NHLRC4: variants seen among roughly 807,000 people sequenced by gnomAD.
The protein encoded by NHLRC4 is NHL-repeat-containing protein 4.
For missense variants in NHLRC4, 158 were observed against 155.4 expected (o/e 1.02, Z -0.09); for synonymous variants, 73 against 69.0 (o/e 1.06, Z -0.29).
Position 568,087 on chromosome 16 carries a change from C to G in NHLRC4, c.40C>G (p.Pro14Ala). Residue 14 changes from proline (P) to alanine (A), a missense_variant, in exon 2 of 2, where the codon CCT becomes GCT. Transcript: ENST00000424439. The stretch of plus-strand genomic sequence containing the variant: ...GGGCCCCTGCTGGGTGGGCCCAGGG[C>G]CTGATGGGGGCCTTGCTGTGAGTGA... ...LEGPCWVGPGPDGGLAVSEEF... is the reference protein window; with the variant it reads ...LEGPCWVGPGADGGLAVSEEF... 1 of 1,563,872 alleles carries G rather than the reference C, an allele frequency of 6.4e-7. No individual in the cohort carries two copies. Among genetic ancestry groups the G allele is most frequent in the South Asian group, 1.2e-5 (1 of 82,064 alleles).
In NHLRC4 at chr16:568,385, T is replaced by C. The variant is rs755881414; in HGVS notation, c.338T>C (p.Ile113Thr). The C allele has an allele frequency of 6.2e-7, 1 of 1,611,806 alleles. No individual in the cohort carries two copies. Among genetic ancestry groups the C allele is most frequent in the South Asian group, 1.1e-5 (1 of 91,014 alleles). ...GTGGCTGATGCCAAGGACAACTCCA[T>C]CAAGGTGTACCAGGGCCTCAAGGAG... ...LLVADAKDNS[I>T]KVYQGLKELA Residue 113 changes from isoleucine (I) to threonine (T), a missense_variant, in exon 2 of 2, where the codon ATC becomes ACC. By Grantham distance (89) the Ile-to-Thr change is moderately conservative. Coordinates refer to ENST00000424439, the MANE Select transcript of NHLRC4 (RefSeq NM_001301159.2).
In NHLRC4 at chr16:568,103, C is replaced by A; in HGVS notation, c.56C>A (p.Ala19Asp). 6.3e-7 allele frequency: 1 copy of A among 1,580,520 alleles called. No homozygotes were observed. The change falls in exon 2 of 2, where the codon GCT (alanine) becomes GAT (aspartate). Residue 19 changes from alanine (A) to aspartate (D), a missense_variant. Transcript: ENST00000424439. ...GGCCCAGGGCCTGATGGGGGCCTTG[C>A]TGTGAGTGAGGAGTTTGGGGATGTG... is the stretch of plus-strand genomic sequence containing the variant. Reference protein sequence around the residue: ...WVGPGPDGGLAVSEEFGDVRL... With the variant: ...WVGPGPDGGLDVSEEFGDVRL...
chr16:568,180 G>A lies in NHLRC4; in HGVS notation c.133G>A (p.Gly45Arg). The change falls in exon 2 of 2, where the codon GGG (glycine) becomes AGG (arginine). Residue 45 changes from glycine (G) to arginine (R), a missense_variant. Gly to Arg is a moderately radical substitution (Grantham distance 125, BLOSUM62 -2). Transcript: ENST00000424439. ...CCTGGGCTCCCTGGGGGGCTGGACG[G>A]GGCACACTTTCGGCTGCCCAGCGGG... ...QPLGSLGGWT[G>R]HTFGCPAGIC... 1 of 1,611,576 alleles carries A rather than the reference G, an allele frequency of 6.2e-7. No individual in the cohort carries two copies. The highest frequency in any genetic ancestry group is 1.1e-5 in the South Asian group (1 of 90,932).
chr16:569,378 G>C lies in NHLRC4; in HGVS notation c.*959G>C, dbSNP rs1343769470. 1 of 166,890 alleles carries C rather than the reference G, an allele frequency of 6.0e-6. No homozygotes were observed. Among genetic ancestry groups the C allele is most frequent in the Non-Finnish European group, 1.5e-5 (1 of 68,206 alleles). 10.3% of individuals were successfully genotyped at this position (166,890 alleles called of 1,614,324 possible). A position where few individuals can be genotyped will look rare whatever the true frequency, so the allele number is the denominator to read the frequency against. The stretch of plus-strand genomic sequence containing the variant: ...TCTACCCCTGTGGGGTGGGGAGGTG[G>C]GGCTCCCCTGTATCACAGGACATCC... On this transcript the variant is annotated 3_prime_UTR_variant, in exon 2 of 2. Coordinates refer to ENST00000424439, the MANE Select transcript of NHLRC4 (RefSeq NM_001301159.2).
chr16:567,512 G>A lies in NHLRC4; in HGVS notation c.-536G>A, dbSNP rs773501038. On this transcript the variant is annotated 5_prime_UTR_variant, in exon 2 of 2. Transcript: ENST00000424439. ...CTCTTGCAGCCCCAAGCGTGACCCA[G>A]CTGCAGAGAAGCTGAGACGGTGATT... 5 of 155,892 alleles carry A rather than the reference G, an allele frequency of 3.2e-5. No individual in the cohort carries two copies. The Middle Eastern group carries it at 2.1e-3, about 64-fold the overall frequency. 9.7% of individuals were successfully genotyped at this position (155,892 alleles called of 1,614,324 possible).
intron 1 of NHLRC4, among the ~76,000 whole-genome samples, 151 bp downstream of exon 1, chr16:567,226 G>C (rs1025777603): frequency 6.6e-6 from 1 of 152,160 alleles, no homozygotes; most frequent in Non-Finnish European, 1.5e-5. Context: ...GCCGTAGAAA[G>C]GGGTTCCACA....
At chr16:567,216 G>C (rs986464304) in intron 1 of NHLRC4, 141 bp downstream of exon 1, 1 of 152,302 alleles carries the variant, frequency 6.6e-6, no homozygotes. Context: ...CCGCCCCCCC[G>C]CCGTAGAAAG....
In NHLRC4 at chr16:568,636, C is replaced by A; in HGVS notation, c.*217C>A. On this transcript the variant is annotated 3_prime_UTR_variant, in exon 2 of 2. Transcript: ENST00000424439. ...AGCAGCCCTGAGTCTGCTTCCCAGG[C>A]TGCCCCTGCCAGGCCTGCAGCCTCC... is the stretch of plus-strand genomic sequence containing the variant. 1 of 601,776 alleles carries A rather than the reference C, an allele frequency of 1.7e-6. No homozygotes were observed. The highest frequency in any genetic ancestry group is 2.9e-6 in the Non-Finnish European group (1 of 340,516). The allele number at this position is 601,776 out of a possible 1,614,324, so 37.3% of individuals were successfully genotyped here. A position where few individuals can be genotyped will look rare whatever the true frequency, so the allele number is the denominator to read the frequency against.
chr16:567,931 TCTCCC>T lies in NHLRC4; in HGVS notation c.-115_-111del. On this transcript the variant is annotated 5_prime_UTR_variant, in exon 2 of 2. Coordinates refer to ENST00000424439, the MANE Select transcript of NHLRC4 (RefSeq NM_001301159.2). The stretch of plus-strand genomic sequence containing the variant: ...CTGGGTGACAGTGGGCACCTTCCTG[TCTCCC>T]CGAGGGCTGGCTGTGGATGCCCTCA... The T allele has an allele frequency of 8.7e-7, 1 of 1,151,574 alleles. No homozygotes were observed. Among genetic ancestry groups the T allele is most frequent in the African/African-American group, 1.6e-5 (1 of 64,176 alleles). 71.3% of individuals were successfully genotyped at this position (1,151,574 alleles called of 1,614,324 possible).
At position 567,894 on chromosome 16, in the gene NHLRC4, C is replaced by T. The variant is rs2035557289; in HGVS notation, c.-154C>T. 2.6e-6 allele frequency: 2 copies of T among 779,222 alleles called. No homozygotes were observed. Among genetic ancestry groups the T allele is most frequent in the East Asian group, 5.5e-5 (2 of 36,278 alleles). The allele number at this position is 779,222 out of a possible 1,614,324, so 48.3% of individuals were successfully genotyped here. A position where few individuals can be genotyped will look rare whatever the true frequency, so the allele number is the denominator to read the frequency against. On this transcript the variant is annotated 5_prime_UTR_variant, in exon 2 of 2. Transcript: ENST00000424439. ...ATGCACTCCAGCACACAGCCCGGGA[C>T]CCCGGGGGCCACTGGGTGACAGTGG...
Position 568,294 on chromosome 16 carries a change from T to A in NHLRC4, c.247T>A (p.Cys83Ser). 6.2e-7 allele frequency: 1 copy of A among 1,612,146 alleles called. No individual in the cohort carries two copies. The highest frequency in any genetic ancestry group is 8.5e-7 in the Non-Finnish European group (1 of 1,179,644). ...TLFPRAGPPI[C>S]LVSEGLGQPL... ...GTTTCCCCGGGCTGGGCCACCCATC[T>A]GCCTGGTGTCAGAGGGGCTTGGGCA... is the stretch of plus-strand genomic sequence containing the variant. Residue 83 changes from cysteine (C) to serine (S), a missense_variant, in exon 2 of 2, where the codon TGC (cysteine) becomes AGC (serine). By Grantham distance (112) the Cys-to-Ser change is moderately radical. Coordinates refer to ENST00000424439, the MANE Select transcript of NHLRC4 (RefSeq NM_001301159.2).
At position 567,591 on chromosome 16, in the gene NHLRC4, T is replaced by C; in HGVS notation, c.-457T>C. Reference sequence around the variant, plus strand: ...GTCTGCACCTCACACTGGACCCACCTGGAGACTCCACGGGCTCCCGGCAGC... The same window carrying C: ...GTCTGCACCTCACACTGGACCCACCCGGAGACTCCACGGGCTCCCGGCAGC... On this transcript the variant is annotated 5_prime_UTR_variant, in exon 2 of 2. Coordinates refer to ENST00000424439, the MANE Select transcript of NHLRC4 (RefSeq NM_001301159.2). The C allele has an allele frequency of 5.9e-6, 1 of 168,834 alleles. No individual in the cohort carries two copies. Among genetic ancestry groups the C allele is most frequent in the South Asian group, 1.5e-4 (1 of 6,582 alleles). 10.5% of individuals were successfully genotyped at this position (168,834 alleles called of 1,614,324 possible).
chr16:568,653 G>A lies in NHLRC4; in HGVS notation c.*234G>A. On this transcript the variant is annotated 3_prime_UTR_variant, in exon 2 of 2. Transcript: ENST00000424439. ...TTCCCAGGCTGCCCCTGCCAGGCCTGCAGCCTCCCCAGCCAGGGCTGCTCT... is the reference window on the plus strand; with the variant it reads ...TTCCCAGGCTGCCCCTGCCAGGCCTACAGCCTCCCCAGCCAGGGCTGCTCT... The A allele has an allele frequency of 5.2e-6, 3 of 574,704 alleles. No individual in the cohort carries two copies. Among genetic ancestry groups the A allele is most frequent in the South Asian group, 2.2e-5 (1 of 45,604 alleles). 35.6% of individuals were successfully genotyped at this position (574,704 alleles called of 1,614,324 possible).
chr16:568,645 C>T lies in NHLRC4; in HGVS notation c.*226C>T. The T allele has an allele frequency of 1.7e-6, 1 of 587,514 alleles. No homozygotes were observed. The highest frequency in any genetic ancestry group is 3.0e-6 in the Non-Finnish European group (1 of 329,942). The allele number at this position is 587,514 out of a possible 1,614,324, so 36.4% of individuals were successfully genotyped here. ...GAGTCTGCTTCCCAGGCTGCCCCTG[C>T]CAGGCCTGCAGCCTCCCCAGCCAGG... is the stretch of plus-strand genomic sequence containing the variant. On this transcript the variant is annotated 3_prime_UTR_variant, in exon 2 of 2. Coordinates refer to ENST00000424439, the MANE Select transcript of NHLRC4 (RefSeq NM_001301159.2).
rs751308998 is a variant in NHLRC4, at chr16:568,187, C to T, written c.140C>T (p.Thr47Ile). The T allele has an allele frequency of 8.7e-6, 14 of 1,611,490 alleles. No homozygotes were observed. Among genetic ancestry groups the T allele is most frequent in the Non-Finnish European group, 1.2e-5 (14 of 1,179,386 alleles). Residue 47 changes from threonine to isoleucine, a missense_variant, in exon 2 of 2, where the codon ACT becomes ATT. By Grantham distance (89) the Thr-to-Ile change is moderately conservative. Coordinates refer to ENST00000424439, the MANE Select transcript of NHLRC4 (RefSeq NM_001301159.2). ...TCCCTGGGGGGCTGGACGGGGCACA[C>T]TTTCGGCTGCCCAGCGGGCATCTGC... The part of the protein sequence containing the change: ...LGSLGGWTGH[T>I]FGCPAGICSN...
rs1224246903 is a variant in NHLRC4 at position 568,021 on chromosome 16, G to A, written c.-27G>A. 1.3e-6 allele frequency: 2 copies of A among 1,504,938 alleles called. No homozygotes were observed. The highest frequency in any genetic ancestry group is 1.8e-6 in the Non-Finnish European group (2 of 1,133,634). The allele number at this position is 1,504,938 out of a possible 1,614,324, so 93.2% of individuals were successfully genotyped here. ...TGTGCACAGCTTCTCGTTGGGTCCT[G>A]CTTGGGAGCCCCTGGCCCCAGCCTC... On this transcript the variant is annotated 5_prime_UTR_variant, in exon 2 of 2. Coordinates refer to ENST00000424439, the MANE Select transcript of NHLRC4 (RefSeq NM_001301159.2).
In NHLRC4 at chr16:568,606, T is replaced by A; in HGVS notation, c.*187T>A. On this transcript the variant is annotated 3_prime_UTR_variant, in exon 2 of 2. Coordinates refer to ENST00000424439, the MANE Select transcript of NHLRC4 (RefSeq NM_001301159.2). ...TCTCCTGCTGGTGAGGCTCCGGATC[T>A]CAGGAGCAGCCCTGAGTCTGCTTCC... 2 of 674,740 alleles carry A rather than the reference T, an allele frequency of 3.0e-6. No individual in the cohort carries two copies. Among genetic ancestry groups the A allele is most frequent in the Non-Finnish European group, 5.0e-6 (2 of 398,880 alleles). The allele number at this position is 674,740 out of a possible 1,614,324, so 41.8% of individuals were successfully genotyped here. A position where few individuals can be genotyped will look rare whatever the true frequency, so the allele number is the denominator to read the frequency against.
chr16:568,765 C>T lies in NHLRC4; in HGVS notation c.*346C>T. 1 of 248,126 alleles carries T rather than the reference C, an allele frequency of 4.0e-6. No individual in the cohort carries two copies. The highest frequency in any genetic ancestry group is 7.8e-6 in the Non-Finnish European group (1 of 127,398). 15.4% of individuals were successfully genotyped at this position (248,126 alleles called of 1,614,324 possible). ...TGTGCCTGGACTTTGGGGCTGGCAG[C>T]TGAAGCCTTGAGATCCTGGGCCAGC... On this transcript the variant is annotated 3_prime_UTR_variant, in exon 2 of 2. Coordinates refer to ENST00000424439, the MANE Select transcript of NHLRC4 (RefSeq NM_001301159.2).
At position 568,030 on chromosome 16, in the gene NHLRC4, C is replaced by A. The variant is rs1406399028; in HGVS notation, c.-18C>A. 5 of 1,507,918 alleles carry A rather than the reference C, an allele frequency of 3.3e-6. No individual in the cohort carries two copies. Among genetic ancestry groups the A allele is most frequent in the Non-Finnish European group, 4.4e-6 (5 of 1,134,614 alleles). 93.4% of individuals were successfully genotyped at this position (1,507,918 alleles called of 1,614,324 possible). On this transcript the variant is annotated 5_prime_UTR_variant, in exon 2 of 2. Transcript: ENST00000424439. Reference sequence around the variant, plus strand: ...CTTCTCGTTGGGTCCTGCTTGGGAGCCCCTGGCCCCAGCCTCCATGCTGGG... The same window carrying A: ...CTTCTCGTTGGGTCCTGCTTGGGAGACCCTGGCCCCAGCCTCCATGCTGGG...
Sources: allele counts gnomAD v4.1 joint callset (sites outside exome capture counted in the v4.1 genomes callset), GRCh38; gene constraint gnomAD v4.1.1; transcripts MANE v1.5; gene names NCBI Gene and HGNC (gene_info 2026-07-23, HGNC 2026-07-21).